The following NOTCH1 variants were observed in gnomAD, a reference collection of about 807,000 sequenced individuals.
NOTCH1 encodes the protein notch receptor 1.
Under a neutral mutation model 254.8 loss-of-function variants are expected in NOTCH1, and 37 were observed. The ratio of observed to expected loss-of-function variants is 0.15; its 90% CI spans 0.11 to 0.19. NOTCH1 has a LOEUF of 0.19. Among genes scored for constraint, NOTCH1 ranks in the 10% least tolerant of loss-of-function variants. The pLI is 1.00. For synonymous variants in NOTCH1, 1,731 were observed against 1,618.1 expected (o/e 1.07, Z -1.68); for missense variants, 2,972 against 3,708.6 (o/e 0.80, Z 5.16).
rs1008549265 is a variant in NOTCH1, at chr9:136,513,698, C to T, written c.2208-161G>A. Reference sequence around the variant, plus strand: ...GGCAGGCTGGGCGCTGTGGCTCACACCTGTAATCCCAGCACTTTGGGAGGC... The same window carrying T: ...GGCAGGCTGGGCGCTGTGGCTCACATCTGTAATCCCAGCACTTTGGGAGGC... On this transcript the variant is annotated intron_variant, in intron 13 of 33. Transcript: ENST00000651671. This position sits in a 1 kb window ranked among gnomAD's most constrained non-coding sequence, Gnocchi z 4.7. 2 of 768,032 alleles carry T rather than the reference C, an allele frequency of 2.6e-6. No individual in the cohort carries two copies. Among genetic ancestry groups the T allele is most frequent in the East Asian group, 2.7e-5 (1 of 36,902 alleles). The allele number at this position is 768,032 out of a possible 1,614,324, so 47.6% of individuals were successfully genotyped here. A position where few individuals can be genotyped will look rare whatever the true frequency, so the allele number is the denominator to read the frequency against.
chr9:136,515,952 C>T (rs1204073398), intron 10 of NOTCH1, 29 bp downstream of exon 10: 1 of 1,564,434 alleles, frequency 6.4e-7, no homozygotes, highest in South Asian at 1.1e-5. Flanking sequence ...GTCCCCAGTC[C>T]CTCCCCGCTG....
chr9:136,494,517 C>T lies in NOTCH1; in HGVS notation c.*1554G>A. ...AAAAAATACATCATCTACAGTTCCT[C>T]ATGTAGATCACTTTTAAAGTCTTTT... On this transcript the variant is annotated 3_prime_UTR_variant, in exon 34 of 34. Coordinates refer to ENST00000651671, the MANE Select transcript of NOTCH1 (RefSeq NM_017617.5). The T allele has an allele frequency of 2.5e-6, 1 of 399,040 alleles. No homozygotes were observed. The highest frequency in any genetic ancestry group is 4.4e-6 in the Non-Finnish European group (1 of 226,072). The allele number at this position is 399,040 out of a possible 1,614,324, so 24.7% of individuals were successfully genotyped here. A position where few individuals can be genotyped will look rare whatever the true frequency, so the allele number is the denominator to read the frequency against.
At position 136,513,917 on chromosome 9, in the gene NOTCH1, A is replaced by G. The variant is rs890218673; in HGVS notation, c.2208-380T>C. Among the ~76,000 whole-genome samples, 1 of 152,198 alleles carries G rather than the reference A, an allele frequency of 6.6e-6. No homozygotes were observed. Among genetic ancestry groups the G allele is most frequent in the Non-Finnish European group, 1.5e-5 (1 of 68,036 alleles). On this transcript the variant is annotated intron_variant, in intron 13 of 33. Transcript: ENST00000651671. This position sits in a 1 kb window ranked among gnomAD's most constrained non-coding sequence, Gnocchi z 4.7. ...GAGGGGTGGAGGTTGCAGTGAGCTG[A>G]GATCATGCCATTGCACTCCAGCCTG...
At chr9:136,528,493 A>ACGG (rs1843509066) in intron 2 of NOTCH1, among the ~76,000 whole-genome samples, 1 of 50,908 alleles carries the variant, frequency 2.0e-5, no homozygotes, top group Admixed American at 2.9e-4. Flanking sequence ...AGTGCGGGGA[A>ACGG]TGGGCAGGGA....
chr9:136,498,619 A>T (rs1391055617), intron 33 of NOTCH1, among the ~76,000 whole-genome samples: 1 of 152,062 alleles, frequency 6.6e-6, no homozygotes, highest in Non-Finnish European at 1.5e-5. Flanking sequence ...GTGCCCCGCC[A>T]TGACTGCCGC....
In NOTCH1 at chr9:136,517,211, G is replaced by T. The variant is rs1843289165; in HGVS notation, c.1555+61C>A. ...GGCAGGGGACACAACCCACGCCCAG[G>T]CACCCCTCAGGAGGCCAGGGTGCAG... On this transcript the variant is annotated intron_variant, in intron 9 of 33. Coordinates refer to ENST00000651671, the MANE Select transcript of NOTCH1 (RefSeq NM_017617.5). 4 of 1,084,592 alleles carry T rather than the reference G, an allele frequency of 3.7e-6. No homozygotes were observed. In the South Asian group the frequency reaches 5.4e-5, roughly 15 times the overall value. 67.2% of individuals were successfully genotyped at this position (1,084,592 alleles called of 1,614,324 possible).
chr9:136,508,013 G>C lies in NOTCH1; in HGVS notation c.3452C>G (p.Pro1151Arg). 6.2e-7 allele frequency: 1 copy of C among 1,612,592 alleles called. No homozygotes were observed. Among genetic ancestry groups the C allele is most frequent in the Non-Finnish European group, 8.5e-7 (1 of 1,180,010 alleles). The change falls in exon 21 of 34, where the codon CCC becomes CGC. Residue 1151 changes from proline (P) to arginine (R), a missense_variant. Physicochemically the swap from Pro to Arg is moderately radical, Grantham distance 103. Coordinates refer to ENST00000651671, the MANE Select transcript of NOTCH1 (RefSeq NM_017617.5). ...GGTGGCCCCGTTCTGGCAGGGGCTG[G>C]GTGAGCACTCGTCCACCAGGTCCTC... is the stretch of plus-strand genomic sequence containing the variant. ...YCEDLVDECS[P>R]SPCQNGATCT...
rs950823602 is a variant in NOTCH1, at chr9:136,510,543, A to T, written c.2740+110T>A. The T allele has an allele frequency of 2.6e-5, 37 of 1,429,194 alleles. 1 individual carries two copies. Among genetic ancestry groups the T allele is most frequent in the Non-Finnish European group, 3.5e-5 (37 of 1,052,924 alleles). The allele number at this position is 1,429,194 out of a possible 1,614,324, so 88.5% of individuals were successfully genotyped here. A position where few individuals can be genotyped will look rare whatever the true frequency, so the allele number is the denominator to read the frequency against. ...ACCTGACCCAACCCTCCCCGGCCAC[A>T]CTCCGGCCTCCCTGGGTGCTTATGG... On this transcript the variant is annotated intron_variant, in intron 17 of 33. Transcript: ENST00000651671.
rs1229147374 is a variant in NOTCH1, at chr9:136,495,192, C to T, written c.*879G>A. 7 of 398,974 alleles carry T rather than the reference C, an allele frequency of 1.8e-5. No homozygotes were observed. Among genetic ancestry groups the T allele is most frequent in the Non-Finnish European group, 2.7e-5 (6 of 226,106 alleles). 24.7% of individuals were successfully genotyped at this position (398,974 alleles called of 1,614,324 possible). A position where few individuals can be genotyped will look rare whatever the true frequency, so the allele number is the denominator to read the frequency against. On this transcript the variant is annotated 3_prime_UTR_variant, in exon 34 of 34. Coordinates refer to ENST00000651671, the MANE Select transcript of NOTCH1 (RefSeq NM_017617.5). Reference sequence around the variant, plus strand: ...TCCCCAGAAAAGGGTAGGATGCCTCCGTGTGTGACCCAGGCAAGTGCCACA... The same window carrying T: ...TCCCCAGAAAAGGGTAGGATGCCTCTGTGTGTGACCCAGGCAAGTGCCACA...
chr9:136,533,458 C>T (rs13294808), intron 2 of NOTCH1, among the ~76,000 whole-genome samples: 72,895 of 152,190 alleles, frequency 0.48, 18,429 homozygotes, highest in East Asian at 0.8. Flanking sequence ...CCCCACCACG[C>T]GGCCCTGCTG....
In NOTCH1 at chr9:136,517,814, G is replaced by A. The variant is rs776258761; in HGVS notation, c.1379C>T (p.Pro460Leu). The A allele has an allele frequency of 3.7e-6, 6 of 1,612,738 alleles. No individual in the cohort carries two copies. The highest frequency in any genetic ancestry group is 5.1e-6 in the Non-Finnish European group (6 of 1,179,948). Residue 460 changes from proline (P) to leucine (L), a missense_variant, in exon 8 of 34, where the codon CCG (proline) becomes CTG (leucine). This residue lies in a region of NOTCH1 where 90 missense variants were observed against 183.6 expected (regional missense o/e 0.49). Transcript: ENST00000651671. ...CAGGCAGGTGGCGTCGTTCTGGCACGGGTTCGAGACGCACTCGTTGACGTC... is the reference window on the plus strand; with the variant it reads ...CAGGCAGGTGGCGTCGTTCTGGCACAGGTTCGAGACGCACTCGTTGACGTC... Reference protein sequence around the residue: ...EIDVNECVSNPCQNDATCLDQ... With the variant: ...EIDVNECVSNLCQNDATCLDQ...
In NOTCH1 at chr9:136,509,077, A is replaced by G. The variant is rs1379230431; in HGVS notation, c.2970-6T>C. ...TGCCACCGTTGAAGCAGGAGCTGCAAGGGGGTGGGCAGGCGGGGGCTGAGT... is the reference window on the plus strand; with the variant it reads ...TGCCACCGTTGAAGCAGGAGCTGCAGGGGGGTGGGCAGGCGGGGGCTGAGT... On this transcript the variant is annotated splice_polypyrimidine_tract_variant and splice_region_variant and intron_variant, in intron 18 of 33. Transcript: ENST00000651671. 1 of 1,552,630 alleles carries G rather than the reference A, an allele frequency of 6.4e-7. No individual in the cohort carries two copies. The highest frequency in any genetic ancestry group is 1.9e-5 in the Admixed American group (1 of 51,824).
intron 26 of NOTCH1, 115 bp from the exon 27 acceptor site, chr9:136,503,445 G>A (rs1027093241): frequency 2.6e-6 from 4 of 1,510,370 alleles, no homozygotes; most frequent in Non-Finnish European, 3.6e-6. Context: ...AGGACATGGT[G>A]AGGCAGCCTG....
At chr9:136,502,848 TTC>T (rs545337506) in intron 27 of NOTCH1, 105 of 579,856 alleles carry the variant, frequency 1.8e-4, no homozygotes, top group Middle Eastern at 2.7e-4. Flanking sequence ...CGATCAATTC[TTC>T]TCTCTCTCTC....
chr9:136,516,772 G>A (rs1401468018), intron 9 of NOTCH1, among the ~76,000 whole-genome samples: 1 of 152,156 alleles, frequency 6.6e-6, no homozygotes, highest in Non-Finnish European at 1.5e-5. Context: ...CCTGGCCCTG[G>A]GCTCCACCGC....
At chr9:136,501,287 A>G (rs1842990896) in intron 30 of NOTCH1, among the ~76,000 whole-genome samples, 1 of 152,080 alleles carries the variant, frequency 6.6e-6, no homozygotes, top group Non-Finnish European at 1.5e-5. Flanking sequence ...TACAAAAATT[A>G]GCCAGGTGTG....
Position 136,506,415 on chromosome 9 carries a change from G to A in NOTCH1, c.4014+112C>T, listed in dbSNP as rs1589059419. On this transcript the variant is annotated intron_variant, in intron 24 of 33. Transcript: ENST00000651671. This position sits in a 1 kb window ranked among gnomAD's most constrained non-coding sequence, Gnocchi z 4.5. ...AAAAAAAAGACATCAGGGTGAGGAG[G>A]AGGATGAAGGCCGGGAGGATCACTG... The A allele has an allele frequency of 1.3e-5, 10 of 786,692 alleles. No individual in the cohort carries two copies. The highest frequency in any genetic ancestry group is 2.7e-5 in the East Asian group (1 of 37,000). 48.7% of individuals were successfully genotyped at this position (786,692 alleles called of 1,614,324 possible).
intron 9 of NOTCH1, 29 bp downstream of exon 9, chr9:136,517,243 C>A: frequency 6.8e-7 from 1 of 1,469,116 alleles, no homozygotes; most frequent in Non-Finnish European, 9.4e-7. Flanking sequence ...GCAGACGACC[C>A]GGGGGCAGGG....
intron 4 of NOTCH1, among the ~76,000 whole-genome samples, chr9:136,520,514 G>A (rs1406076895): frequency 1.3e-5 from 2 of 152,130 alleles, no homozygotes; most frequent in African/African-American, 2.4e-5. Context: ...TGGGTGGATC[G>A]CTTGCGCCCA....
Sources: allele counts gnomAD v4.1 joint callset (sites outside exome capture counted in the v4.1 genomes callset), GRCh38; gene constraint gnomAD v4.1.1; regional missense constraint gnomAD v4.1.1; non-coding constraint Gnocchi (gnomAD v3.1); transcripts MANE v1.5; gene names NCBI Gene and HGNC (gene_info 2026-07-23, HGNC 2026-07-21).